The following COL5A2 variants were observed in gnomAD, a reference collection of about 807,000 sequenced individuals.
COL5A2 encodes collagen type V alpha 2 chain.
A neutral mutation model predicts 208.2 loss-of-function variants in COL5A2; 23 were observed. The ratio of observed to expected loss-of-function variants is 0.11; its 90% CI spans 0.08 to 0.16. The LOEUF (loss-of-function observed/expected upper bound fraction) is 0.16, where lower values mean the gene tolerates loss of function less well. COL5A2 is among the 10% of genes least tolerant of loss of function. The pLI is 1.00. For synonymous variants in COL5A2, 625 were observed against 628.5 expected (o/e 0.99, Z 0.08); for missense variants, 1,590 against 1,956.4 (o/e 0.81, Z 3.53).
chr2:189,246,176 T>C, the COL5A2 span, among the ~76,000 whole-genome samples: 14 of 152,254 alleles, frequency 9.2e-5, no homozygotes, highest in Admixed American at 3.3e-4. Context: ...CACCAATACA[T>C]GAAAAATTCA....
the COL5A2 span, among the ~76,000 whole-genome samples, chr2:189,294,090 G>GAAAA: frequency 2.1e-5 from 1 of 48,174 alleles, no homozygotes; most frequent in South Asian, 6.7e-4. Context: ...TCCGTCTCAA[G>GAAAA]AAAAAAAAAA....
At chr2:189,120,604 TCA>T (rs1480838045) in intron 1 of COL5A2, among the ~76,000 whole-genome samples, 1 of 152,194 alleles carries the variant, frequency 6.6e-6, no homozygotes, top group African/African-American at 2.4e-5. Context: ...TATGAGTATA[TCA>T]TCTATTGATT....
At chr2:189,374,523 T>C in the COL5A2 span, among the ~76,000 whole-genome samples, 2 of 152,078 alleles carry the variant, frequency 1.3e-5, no homozygotes, top group Admixed American at 1.3e-4. Context: ...TTACAAAATG[T>C]GTGTTGCATG....
intron 11 of COL5A2, 143 bp downstream of exon 11, chr2:189,085,017 T>C: frequency 3.0e-6 from 2 of 666,706 alleles, no homozygotes; most frequent in Non-Finnish European, 5.4e-6. Context: ...AATTCCATTC[T>C]GAGTGCTCCT....
the COL5A2 span, among the ~76,000 whole-genome samples, chr2:189,366,641 G>A: frequency 3.9e-5 from 6 of 152,132 alleles, no homozygotes; most frequent in Admixed American, 3.9e-4. Flanking sequence ...GCTTGTGGGT[G>A]TGCTTGTATT....
At chr2:189,143,310 A>G (rs1439720463) in intron 1 of COL5A2, among the ~76,000 whole-genome samples, 1 of 152,132 alleles carries the variant, frequency 6.6e-6, no homozygotes, top group Non-Finnish European at 1.5e-5. Flanking sequence ...GCTCCTGTCC[A>G]CTTGCCTAGG....
chr2:189,224,510 A>G (rs572819552), intron 1 of COL5A2, among the ~76,000 whole-genome samples: 5 of 151,982 alleles, frequency 3.3e-5, no homozygotes, highest in African/African-American at 4.8e-5. Flanking sequence ...CCAACATGGC[A>G]AAACCCTGTC....
chr2:189,179,847 T>C (rs1688750683), upstream of COL5A2: 2 of 628,686 alleles, frequency 3.2e-6, no homozygotes, highest in Admixed American at 2.9e-5. Context: ...TTGTTCAGGC[T>C]CATAACCATC....
At chr2:189,120,568 G>C (rs1404822555) in intron 1 of COL5A2, among the ~76,000 whole-genome samples, 1 of 152,146 alleles carries the variant, frequency 6.6e-6, no homozygotes, top group Non-Finnish European at 1.5e-5. Flanking sequence ...AGGGTGAACA[G>C]AATACAGAAT....
chr2:189,081,106 A>C, intron 12 of COL5A2, 63 bp from the exon 13 acceptor site: 1 of 1,397,714 alleles, frequency 7.2e-7, no homozygotes, highest in South Asian at 1.2e-5. Flanking sequence ...ATTCCTTAAT[A>C]TATCATTTTT....
chr2:189,327,210 G>T, the COL5A2 span, among the ~76,000 whole-genome samples: 13 of 151,990 alleles, frequency 8.6e-5, no homozygotes, highest in African/African-American at 2.9e-4. Flanking sequence ...CTGACTACAG[G>T]AGGTTTAAAT....
At chr2:189,167,002 G>T (rs1688477123) in intron 1 of COL5A2, among the ~76,000 whole-genome samples, 1 of 152,214 alleles carries the variant, frequency 6.6e-6, no homozygotes, top group Admixed American at 6.5e-5. Context: ...CATCCAGATG[G>T]AGCTTAGTGC....
the COL5A2 span, among the ~76,000 whole-genome samples, chr2:189,289,447 T>C: frequency 2.0e-5 from 3 of 152,230 alleles, no homozygotes; most frequent in South Asian, 2.1e-4. Flanking sequence ...TGTGAAAAGA[T>C]GAAAGCTTTT....
rs2153506518 is a variant in COL5A2 at position 189,039,454 on chromosome 2, A to G, written c.3743T>C (p.Leu1248Pro). The change falls in exon 51 of 54, where the codon CTT (leucine) becomes CCT (proline). Residue 1248 changes from leucine (L) to proline (P), a missense_variant. Physicochemically the swap from Leu to Pro is moderately conservative, Grantham distance 98. Transcript: ENST00000374866. Reference sequence around the variant, plus strand: ...CGCCTGATCTTCAGTAAACTCAGGAAGTGGATCTGGCATGCTTTCATCATA... The same window carrying G: ...CGCCTGATCTTCAGTAAACTCAGGAGGTGGATCTGGCATGCTTTCATCATA... ...GHYDESMPDPLPEFTEDQAAP... is the reference protein window; with the variant it reads ...GHYDESMPDPPPEFTEDQAAP... 2.5e-6 allele frequency: 4 copies of G among 1,614,122 alleles called. No individual in the cohort carries two copies. The highest frequency in any genetic ancestry group is 3.4e-6 in the Non-Finnish European group (4 of 1,180,022).
At chr2:189,325,524 A>T in the COL5A2 span, among the ~76,000 whole-genome samples, 1 of 151,798 alleles carries the variant, frequency 6.6e-6, no homozygotes, top group East Asian at 1.9e-4. Context: ...ACACACATTC[A>T]GGGAGAGACA....
intron 12 of COL5A2, 59 bp from the exon 13 acceptor site, chr2:189,081,102 T>A: frequency 7.1e-7 from 1 of 1,411,388 alleles, no homozygotes; most frequent in Non-Finnish European, 1.0e-6. Context: ...CAAAATTCCT[T>A]AATATATCAT....
chr2:189,376,721 CAA>C, the COL5A2 span, among the ~76,000 whole-genome samples: 5 of 152,058 alleles, frequency 3.3e-5, no homozygotes, highest in African/African-American at 1.2e-4. Context: ...TTTAAGTGGA[CAA>C]AATATTGAAA....
upstream of COL5A2, among the ~76,000 whole-genome samples, chr2:189,181,148 T>C (rs1688774181): frequency 6.6e-6 from 1 of 152,186 alleles, no homozygotes; most frequent in Non-Finnish European, 1.5e-5. Flanking sequence ...AATTATCAAA[T>C]GAGATTAGGC....
the COL5A2 span, among the ~76,000 whole-genome samples, chr2:189,232,809 C>T: frequency 1.3e-5 from 2 of 151,632 alleles, no homozygotes; most frequent in African/African-American, 2.4e-5. Flanking sequence ...CAGCTATGAA[C>T]CAGGAAGCAG....
Sources: gnomAD v4.1 joint callset for allele counts (sites outside exome capture counted in the v4.1 genomes callset) on GRCh38, gnomAD v4.1.1 for gene constraint, MANE v1.5 for transcripts, NCBI Gene and HGNC (gene_info 2026-07-23, HGNC 2026-07-21) for gene names.